Variants in FBXO34 observed in about 807,000 individuals in gnomAD.
FBXO34 encodes F-box only protein 34.
In FBXO34, 12 loss-of-function variants were observed where a neutral mutation model predicts 24.5. That is an observed-to-expected ratio of 0.49 (90% CI 0.31 to 0.79). The LOEUF is 0.79. Ranked by LOEUF, FBXO34 falls within the 30% of genes least tolerant of loss-of-function variation. The pLI is 0.04. For missense variants in FBXO34, 823 were observed against 857.7 expected (o/e 0.96, Z 0.51); for synonymous variants, 320 against 311.9 (o/e 1.03, Z -0.27).
chr14:55,428,931 C>G, the FBXO34 span: 6 of 1,614,186 alleles, frequency 3.7e-6, no homozygotes, highest in Non-Finnish European at 4.2e-6. Context: ...AGCTTCTGCA[C>G]CACACGAGCA....
At chr14:55,422,628 G>A in the FBXO34 span, among the ~76,000 whole-genome samples, 1 of 152,182 alleles carries the variant, frequency 6.6e-6, no homozygotes, top group African/African-American at 2.4e-5. Context: ...AAGGCAGGTA[G>A]ATCACTTGAG....
Position 55,321,660 on chromosome 14 carries a change from G to C in FBXO34, c.-10-28721G>C, listed in dbSNP as rs571231864. Among the ~76,000 whole-genome samples the C allele has an allele frequency of 3.9e-5, 6 of 152,326 alleles. No individual in the cohort carries two copies. In the East Asian group the frequency reaches 9.7e-4, roughly 25 times the overall value. On this transcript the variant is annotated intron_variant, in intron 1 of 1. Transcript: ENST00000313833. ...GATCTGCCCGCCTCAGCCTCCCAAA[G>C]TGTTGGGATTACAGGCGTGAGCCAC...
chr14:55,344,612 G>A (rs1179482996), intron 1 of FBXO34, among the ~76,000 whole-genome samples: 1 of 151,252 alleles, frequency 6.6e-6, no homozygotes, highest in Non-Finnish European at 1.5e-5. Flanking sequence ...TTGTTACACA[G>A]GTATACACGT....
intron 1 of FBXO34, among the ~76,000 whole-genome samples, chr14:55,313,049 A>C (rs1882801624): frequency 6.6e-6 from 1 of 152,110 alleles, no homozygotes; most frequent in African/African-American, 2.4e-5. Flanking sequence ...TTCCTTTTTA[A>C]ACTTAAGTTC....
At chr14:55,288,354 T>C (rs1294245188) in intron 1 of FBXO34, among the ~76,000 whole-genome samples, 1 of 152,110 alleles carries the variant, frequency 6.6e-6, no homozygotes, top group Non-Finnish European at 1.5e-5. Context: ...AAATGGAATA[T>C]AAAATTACAT....
chr14:55,359,111 A>AAAT (rs1884558879), intron 3 of FBXO34, among the ~76,000 whole-genome samples: 1 of 152,030 alleles, frequency 6.6e-6, no homozygotes, highest in African/African-American at 2.4e-5. Context: ...AAGGGGAGGG[A>AAAT]GTGGACCTAG....
At chr14:55,333,271 GT>G (rs1410186260) in intron 1 of FBXO34, among the ~76,000 whole-genome samples, 6 of 152,226 alleles carry the variant, frequency 3.9e-5, no homozygotes, top group Non-Finnish European at 7.3e-5. Flanking sequence ...TGTTGAGGGA[GT>G]TTTGTATAAT....
chr14:55,381,436 C>T, the FBXO34 span, among the ~76,000 whole-genome samples: 14 of 152,260 alleles, frequency 9.2e-5, no homozygotes, highest in East Asian at 9.7e-4. Context: ...CTTTAAATAA[C>T]GTCCTCTTAC....
intron 1 of FBXO34, among the ~76,000 whole-genome samples, chr14:55,322,326 AAATAC>A (rs1883165947): frequency 6.7e-6 from 1 of 149,882 alleles, no homozygotes; most frequent in Non-Finnish European, 1.5e-5. Flanking sequence ...AAAAAAAAAA[AAATAC>A]AAACAAGCAA....
At chr14:55,310,865 G>A (rs370261272) in intron 1 of FBXO34, among the ~76,000 whole-genome samples, 13 of 151,704 alleles carry the variant, frequency 8.6e-5, no homozygotes, top group African/African-American at 2.2e-4. Flanking sequence ...ATGTGATAGC[G>A]TTTTCTTATC....
At chr14:55,303,489 G>A (rs1028946102) in intron 1 of FBXO34, among the ~76,000 whole-genome samples, 1 of 151,726 alleles carries the variant, frequency 6.6e-6, no homozygotes, top group Non-Finnish European at 1.5e-5. Context: ...TGTGTAAATG[G>A]GTATATCTAA....
intron 1 of FBXO34, among the ~76,000 whole-genome samples, chr14:55,311,850 C>T (rs1388382350): frequency 1.3e-5 from 2 of 151,634 alleles, no homozygotes; most frequent in African/African-American, 4.8e-5. Flanking sequence ...GCCTTAGCCT[C>T]CCAAGTAGCT....
At chr14:55,413,678 G>A in the FBXO34 span, 7 of 343,284 alleles carry the variant, frequency 2.0e-5, no homozygotes, top group Non-Finnish European at 3.5e-5. Context: ...TCCCTTTGAC[G>A]TCTTTTTCTG....
downstream of FBXO34, among the ~76,000 whole-genome samples, chr14:55,364,226 G>C (rs1884631960): frequency 6.6e-6 from 1 of 152,056 alleles, no homozygotes; most frequent in Non-Finnish European, 1.5e-5. Context: ...TGGGATTACA[G>C]GTGTGAGCCA....
chr14:55,403,446 A>C, the FBXO34 span, among the ~76,000 whole-genome samples: 1 of 152,216 alleles, frequency 6.6e-6, no homozygotes, highest in Non-Finnish European at 1.5e-5. Context: ...AGCTTACTCT[A>C]AACTGGGACA....
chr14:55,440,405 G>C, the FBXO34 span: 1 of 1,613,022 alleles, frequency 6.2e-7, no homozygotes, highest in Admixed American at 1.7e-5. Flanking sequence ...CCTGAGCGGC[G>C]CACTGGTCCA....
At chr14:55,349,670 T>C (rs991876876) in intron 1 of FBXO34, among the ~76,000 whole-genome samples, 2 of 145,036 alleles carry the variant, frequency 1.4e-5, no homozygotes, top group African/African-American at 2.6e-5. Flanking sequence ...GGCAGTGGTG[T>C]GTGCGATCTT....
the FBXO34 span, among the ~76,000 whole-genome samples, chr14:55,397,008 G>T: frequency 2.8e-4 from 43 of 152,162 alleles, no homozygotes; most frequent in African/African-American, 1.0e-3. Flanking sequence ...GTAAAATACT[G>T]ATATGGACAA....
intron 1 of FBXO34, among the ~76,000 whole-genome samples, chr14:55,347,080 C>A (rs1884183701): frequency 6.6e-6 from 1 of 152,172 alleles, no homozygotes. Flanking sequence ...CTTCTAAGGG[C>A]CTTTCTGAGA....
Sources: gnomAD v4.1 joint callset for allele counts (sites outside exome capture counted in the v4.1 genomes callset) on GRCh38, gnomAD v4.1.1 for gene constraint, MANE v1.5 for transcripts, NCBI Gene and HGNC (gene_info 2026-07-23, HGNC 2026-07-21) for gene names.